DIP2C: variants seen among roughly 807,000 people sequenced by gnomAD.
The protein encoded by DIP2C is disco-interacting protein 2 homolog C.
In DIP2C, 33 loss-of-function variants were observed where a neutral mutation model predicts 192.4. The observed-to-expected ratio is 0.17, with a 90% confidence interval of 0.13 to 0.23. The LOEUF is 0.23. Among genes scored for constraint, DIP2C ranks in the 10% least tolerant of loss-of-function variants. The probability of loss-of-function intolerance (pLI) is 1.00; values close to 1 mark genes in which losing one functional copy is unlikely to be tolerated. For synonymous variants in DIP2C, 979 were observed against 864.1 expected, an observed-to-expected ratio of 1.13 and a Z score of -2.33; for missense variants, 1,537 against 2,110.1, an observed-to-expected ratio of 0.73 and a Z score of 5.32.
chr10:481,064 C>T (rs1843567503), intron 2 of DIP2C, among the ~76,000 whole-genome samples: 1 of 152,162 alleles, frequency 6.6e-6, no homozygotes, highest in Admixed American at 6.5e-5. Flanking sequence ...GGTCCCTCCC[C>T]AGCACGTCTA....
intron 1 of DIP2C, among the ~76,000 whole-genome samples, chr10:496,437 T>C (rs1001738483): frequency 4.7e-5 from 7 of 149,516 alleles, no homozygotes; most frequent in African/African-American, 1.7e-4. Context: ...ACTTAAAATC[T>C]GTACATTACT....
At chr10:618,659 A>AAC (rs1853633876) in intron 1 of DIP2C, among the ~76,000 whole-genome samples, 1 of 152,360 alleles carries the variant, frequency 6.6e-6, no homozygotes, top group African/African-American at 2.4e-5. Context: ...CAACAAAGTT[A>AAC]AAAGACTATC....
chr10:577,563 CTG>C (rs1850247885), intron 1 of DIP2C, among the ~76,000 whole-genome samples: 2 of 152,334 alleles, frequency 1.3e-5, no homozygotes, highest in Non-Finnish European at 2.9e-5. Flanking sequence ...AGTGAGAACT[CTG>C]AATGCTCAGA....
At chr10:425,102 GGAT>G (rs1282508645) in intron 4 of DIP2C, among the ~76,000 whole-genome samples, 8 of 22,928 alleles carry the variant, frequency 3.5e-4, no homozygotes, top group Admixed American at 1.3e-3. Context: ...AATATGACAC[GGAT>G]GATACAGCAT....
rs532104360 is a variant in DIP2C, at chr10:371,978, G to C, written c.1992-2345C>G. On this transcript the variant is annotated intron_variant, in intron 17 of 36. Coordinates refer to ENST00000280886, the MANE Select transcript of DIP2C (RefSeq NM_014974.3). Reference sequence around the variant, plus strand: ...AAAATGCTAGGCTAGCCAAGATTGAGAACACTGACCTGCCGGGCAAGGGCC... The same window carrying C: ...AAAATGCTAGGCTAGCCAAGATTGACAACACTGACCTGCCGGGCAAGGGCC... 2.6e-5 allele frequency among the ~76,000 whole-genome samples: 4 copies of C among 152,060 alleles called. No homozygotes were observed. The East Asian group carries it at 7.7e-4, about 29-fold the overall frequency.
intron 28 of DIP2C, 62 bp from the exon 29 acceptor site, chr10:341,391 T>C (rs1211469145): frequency 6.2e-7 from 1 of 1,604,114 alleles, no homozygotes; most frequent in Non-Finnish European, 8.5e-7. Flanking sequence ...CCCGGGACAA[T>C]ACGGGGCTGC....
In DIP2C at chr10:522,205, T is replaced by C. The variant is rs534079663; in HGVS notation, c.86-35675A>G. ...AGCAGGCAGCCTTCCCAGATTGGAC[T>C]CTCACTTAGCAACATGCATTTAAGA... On this transcript the variant is annotated intron_variant, in intron 1 of 36. Transcript: ENST00000280886. 3.3e-5 allele frequency among the ~76,000 whole-genome samples: 5 copies of C among 152,328 alleles called. No individual in the cohort carries two copies. The East Asian group carries it at 9.6e-4, about 29-fold the overall frequency.
At chr10:453,691 G>C (rs1171798557) in intron 3 of DIP2C, among the ~76,000 whole-genome samples, 1 of 152,182 alleles carries the variant, frequency 6.6e-6, no homozygotes, top group Admixed American at 6.5e-5. Flanking sequence ...AAAAGAAGCA[G>C]ATGCATAAAT....
At chr10:476,111 G>C (rs564588568) in intron 2 of DIP2C, among the ~76,000 whole-genome samples, 54 of 152,296 alleles carry the variant, frequency 3.5e-4, no homozygotes, top group Non-Finnish European at 5.6e-4. Context: ...AGGGGAGAGA[G>C]GCCGGCATGG....
At chr10:554,047 T>G (rs1410469263) in intron 1 of DIP2C, among the ~76,000 whole-genome samples, 1 of 151,056 alleles carries the variant, frequency 6.6e-6, no homozygotes, top group Non-Finnish European at 1.5e-5. Context: ...ACTGTAAGAG[T>G]GGCGAACAGG....
At chr10:461,418 A>C (rs983999350) in intron 3 of DIP2C, among the ~76,000 whole-genome samples, 7 of 152,246 alleles carry the variant, frequency 4.6e-5, no homozygotes, top group Non-Finnish European at 2.9e-5. Flanking sequence ...TTAAACCAAC[A>C]AAGATCAAAA....
At chr10:478,011 G>GAGGAA (rs1491527596) in intron 2 of DIP2C, among the ~76,000 whole-genome samples, 3 of 17,236 alleles carry the variant, frequency 1.7e-4, no homozygotes, top group African/African-American at 2.9e-4. Context: ...GGAAAAAAGA[G>GAGGAA]GGGAGGGGAG....
At chr10:355,234 A>T (rs1959022909) in intron 24 of DIP2C, among the ~76,000 whole-genome samples, 1 of 152,184 alleles carries the variant, frequency 6.6e-6, no homozygotes, top group African/African-American at 2.4e-5. Flanking sequence ...TTGAGCAGAT[A>T]CAGTGAACGA....
intron 3 of DIP2C, among the ~76,000 whole-genome samples, chr10:464,834 C>A (rs892531172): frequency 3.3e-5 from 5 of 151,818 alleles, no homozygotes; most frequent in African/African-American, 1.2e-4. Flanking sequence ...AAGACTAAAC[C>A]AGGAAGAAGT....
intron 1 of DIP2C, among the ~76,000 whole-genome samples, chr10:681,041 C>T (rs1221294088): frequency 6.6e-6 from 1 of 151,460 alleles, no homozygotes; most frequent in Non-Finnish European, 1.5e-5. Flanking sequence ...GTACAGCTAC[C>T]GCCTGTGGCC....
At chr10:624,984 G>A (rs556736477) in intron 1 of DIP2C, among the ~76,000 whole-genome samples, 38 of 152,304 alleles carry the variant, frequency 2.5e-4, no homozygotes, top group African/African-American at 7.7e-4. Flanking sequence ...CCTGGCCGGC[G>A]GCGCAACCTT....
chr10:530,794 A>G (rs1847320825), intron 1 of DIP2C, among the ~76,000 whole-genome samples: 1 of 152,188 alleles, frequency 6.6e-6, no homozygotes, highest in African/African-American at 2.4e-5. Context: ...CCCAGAGAGA[A>G]ATGCAAGCGG....
chr10:534,184 C>T (rs1474584862), intron 1 of DIP2C, among the ~76,000 whole-genome samples: 2 of 152,202 alleles, frequency 1.3e-5, no homozygotes, highest in Non-Finnish European at 2.9e-5. Context: ...CCTAGCTTCA[C>T]AGGGCTCAGG....
intron 32 of DIP2C, among the ~76,000 whole-genome samples, chr10:297,732 C>T (rs1025811041): frequency 8.5e-5 from 13 of 152,210 alleles, no homozygotes; most frequent in Admixed American, 2.0e-4. Context: ...GGGAAGAATA[C>T]GTTCCAGTGT....
Sources: allele counts gnomAD v4.1 joint callset (sites outside exome capture counted in the v4.1 genomes callset), GRCh38; gene constraint gnomAD v4.1.1; transcripts MANE v1.5; gene names NCBI Gene and HGNC (gene_info 2026-07-23, HGNC 2026-07-21).